Variants in ANAPC10 observed in about 807,000 individuals in gnomAD.
ANAPC10 encodes anaphase promoting complex subunit 10.
In ANAPC10, 12 loss-of-function variants were observed where a neutral mutation model predicts 22.0. The ratio of observed to expected loss-of-function variants is 0.55; its 90% confidence interval spans 0.35 to 0.88. The LOEUF is 0.88. Among genes scored for constraint, ANAPC10 ranks in the 40% least tolerant of loss-of-function variants. The pLI is 0.01. For missense variants in ANAPC10, 188 were observed against 220.9 expected (o/e 0.85, Z 0.94); for synonymous variants, 65 against 69.5 (o/e 0.94, Z 0.32).
chr4:145,059,680 T>C (rs1176476288), intron 4 of ANAPC10, among the ~76,000 whole-genome samples: 2 of 152,102 alleles, frequency 1.3e-5, no homozygotes, highest in African/African-American at 2.4e-5. Flanking sequence ...AACACTTTAG[T>C]TTCATATTTA....
At chr4:145,090,244 T>C (rs368364068) in intron 2 of ANAPC10, among the ~76,000 whole-genome samples, 7 of 152,306 alleles carry the variant, frequency 4.6e-5, no homozygotes, top group African/African-American at 1.7e-4. Flanking sequence ...ATACCTAATA[T>C]AATGTAAATA....
intron 4 of ANAPC10, among the ~76,000 whole-genome samples, chr4:145,046,656 C>A (rs1740339663): frequency 6.6e-6 from 1 of 152,052 alleles, no homozygotes; most frequent in South Asian, 2.1e-4. Flanking sequence ...AGAATTAAAT[C>A]TGTATATCTA....
intron 4 of ANAPC10, among the ~76,000 whole-genome samples, chr4:145,032,805 T>G (rs759187271): frequency 6.6e-6 from 1 of 152,168 alleles, no homozygotes; most frequent in African/African-American, 2.4e-5. Context: ...TGGTGGCAGG[T>G]TGATTATATT....
intron 4 of ANAPC10, among the ~76,000 whole-genome samples, chr4:145,005,783 A>G (rs1004818537): frequency 6.6e-6 from 1 of 152,106 alleles, no homozygotes; most frequent in African/African-American, 2.4e-5. Flanking sequence ...TGATTTTCTT[A>G]GTATTGATTT....
intron 4 of ANAPC10, chr4:145,053,729 A>G (rs1304421378): frequency 1.6e-6 from 1 of 640,952 alleles, no homozygotes. Flanking sequence ...TCATTCCTTT[A>G]TCCTGAGACT....
At chr4:145,053,207 G>C (rs1381975748) in intron 4 of ANAPC10, among the ~76,000 whole-genome samples, 1 of 152,114 alleles carries the variant, frequency 6.6e-6, no homozygotes, top group African/African-American at 2.4e-5. Flanking sequence ...TCAAAAATAA[G>C]TAACAGAAAA....
chr4:145,075,113 G>A (rs1745007206), intron 3 of ANAPC10, among the ~76,000 whole-genome samples: 1 of 152,010 alleles, frequency 6.6e-6, no homozygotes, highest in African/African-American at 2.4e-5. Flanking sequence ...CACACCAGGA[G>A]GTCTTCATAG....
chr4:144,998,625 G>A (rs537847188), intron 4 of ANAPC10, among the ~76,000 whole-genome samples: 12 of 152,260 alleles, frequency 7.9e-5, no homozygotes, highest in African/African-American at 2.2e-4. Flanking sequence ...GCAGTGTGTC[G>A]AGGGAAATTT....
chr4:145,017,568 C>T (rs890948391), intron 4 of ANAPC10, among the ~76,000 whole-genome samples: 3 of 152,172 alleles, frequency 2.0e-5, no homozygotes, highest in Non-Finnish European at 4.4e-5. Context: ...GTGGCAATTC[C>T]TCAGGGATCT....
intron 4 of ANAPC10, among the ~76,000 whole-genome samples, chr4:145,004,278 T>C (rs749286891): frequency 3.9e-5 from 6 of 152,114 alleles, no homozygotes; most frequent in Non-Finnish European, 2.9e-5. Context: ...TAGCATCATA[T>C]CATCTGCAAA....
At chr4:145,039,291 C>T (rs1739134334) in intron 4 of ANAPC10, among the ~76,000 whole-genome samples, 1 of 152,182 alleles carries the variant, frequency 6.6e-6, no homozygotes, top group African/African-American at 2.4e-5. Context: ...TTATCGCAAT[C>T]CTATGTAGGT....
chr4:144,998,043 T>C (rs1396114311), intron 4 of ANAPC10, among the ~76,000 whole-genome samples: 1 of 152,190 alleles, frequency 6.6e-6, no homozygotes, highest in Non-Finnish European at 1.5e-5. Context: ...ATCCTAAATA[T>C]ATATGCACCC....
intron 4 of ANAPC10, among the ~76,000 whole-genome samples, chr4:145,054,640 TGCGCGC>T (rs1158824604): frequency 1.4e-3 from 125 of 90,324 alleles, no homozygotes; most frequent in African/African-American, 4.7e-3. Flanking sequence ...TGTGTGTGTG[TGCGCGC>T]GCGCGCGCGT....
chr4:145,052,232 T>C (rs955214155), intron 4 of ANAPC10, among the ~76,000 whole-genome samples: 3 of 152,190 alleles, frequency 2.0e-5, no homozygotes, highest in Admixed American at 2.0e-4. Context: ...ATTGTATACT[T>C]GAAAATTGCT....
chr4:145,052,135 T>C (rs1022950927), intron 4 of ANAPC10, among the ~76,000 whole-genome samples: 1 of 152,128 alleles, frequency 6.6e-6, no homozygotes, highest in African/African-American at 2.4e-5. Context: ...GAGATGTTGG[T>C]CGAAGGACAT....
chr4:145,010,844 G>A (rs192046040), intron 4 of ANAPC10, among the ~76,000 whole-genome samples: 45 of 151,686 alleles, frequency 3.0e-4, no homozygotes, highest in South Asian at 2.5e-3. Context: ...TAAATAAATC[G>A]CTTGATCTTT....
At chr4:145,077,865 T>G (rs903582517) in intron 3 of ANAPC10, among the ~76,000 whole-genome samples, 1 of 151,922 alleles carries the variant, frequency 6.6e-6, no homozygotes, top group African/African-American at 2.4e-5. Context: ...CATTGAAGGA[T>G]CATAATTCAA....
chr4:145,049,772 T>C (rs1740838573), intron 4 of ANAPC10, among the ~76,000 whole-genome samples: 1 of 152,044 alleles, frequency 6.6e-6, no homozygotes, highest in Non-Finnish European at 1.5e-5. Context: ...TTTGTAGAGA[T>C]GGGGGTCTTG....
At chr4:145,080,821 C>T (rs1397397403) in intron 3 of ANAPC10, among the ~76,000 whole-genome samples, 1 of 150,544 alleles carries the variant, frequency 6.6e-6, no homozygotes, top group African/African-American at 2.4e-5. Context: ...GCAGGAGAAT[C>T]GCTTGAACCT....
Sources: gnomAD v4.1 joint callset for allele counts (sites outside exome capture counted in the v4.1 genomes callset) on GRCh38, gnomAD v4.1.1 for gene constraint, MANE v1.5 for transcripts, NCBI Gene and HGNC (gene_info 2026-07-23, HGNC 2026-07-21) for gene names.